MBL2: variants seen among roughly 807,000 people sequenced by gnomAD.
MBL2 encodes the protein mannose-binding protein C.
A neutral mutation model predicts 12.7 loss-of-function variants in MBL2; 6 were observed. That is an observed-to-expected ratio of 0.47 (90% CI 0.26 to 0.94). MBL2 has a LOEUF of 0.94. Among genes scored for constraint, MBL2 ranks in the 40% least tolerant of loss-of-function variants. The pLI, the probability that MBL2 is intolerant of heterozygous loss-of-function variation, is 0.15. For missense variants in MBL2, 307 were observed against 295.2 expected, an observed-to-expected ratio of 1.04 and a Z score of -0.29; for synonymous variants, 114 against 112.0, an observed-to-expected ratio of 1.02 and a Z score of -0.11.
chr10:52,766,964 T>G lies in MBL2; in HGVS notation c.*1173A>C, dbSNP rs908805644. 1 of 151,992 alleles carries G rather than the reference T, an allele frequency of 6.6e-6. No individual in the cohort carries two copies. The highest frequency in any genetic ancestry group is 1.5e-5 in the Non-Finnish European group (1 of 68,028). 9.4% of individuals were successfully genotyped at this position (151,992 alleles called of 1,614,324 possible). ...AACCATGGGGAAATATCACTTTACATCCACAGGAATAATGAAAATCAAGAG... is the reference window on the plus strand; with the variant it reads ...AACCATGGGGAAATATCACTTTACAGCCACAGGAATAATGAAAATCAAGAG... On this transcript the variant is annotated 3_prime_UTR_variant, in exon 5 of 5. Transcript: ENST00000674931.
rs966784363 is a variant in MBL2 at position 52,768,133 on chromosome 10, C to A, written c.*4G>T. On this transcript the variant is annotated 3_prime_UTR_variant, in exon 5 of 5. Coordinates refer to ENST00000674931, the MANE Select transcript of MBL2 (RefSeq NM_001378373.1). The stretch of plus-strand genomic sequence containing the variant: ...GACAAGGAGGGCCTGAGTGATATGA[C>A]CCTTCAGATAGGGAACTCACAGACG... 1 of 1,595,468 alleles carries A rather than the reference C, an allele frequency of 6.3e-7. No homozygotes were observed. Among genetic ancestry groups the A allele is most frequent in the African/African-American group, 1.3e-5 (1 of 74,454 alleles).
chr10:52,768,445 T>C lies in MBL2; in HGVS notation c.439A>G (p.Thr147Ala). The C allele has an allele frequency of 6.2e-7, 1 of 1,609,734 alleles. No individual in the cohort carries two copies. Among genetic ancestry groups the C allele is most frequent in the Non-Finnish European group, 8.5e-7 (1 of 1,178,636 alleles). Residue 147 changes from threonine to alanine, a missense_variant, in exon 5 of 5, where the codon ACC (threonine) becomes GCC (alanine). Coordinates refer to ENST00000674931, the MANE Select transcript of MBL2 (RefSeq NM_001378373.1). ...CACAAGGCCTTCACTTTTTCAAAGG[T>C]CATTATTTCACCATTGGTCAGGAAG... The part of the protein sequence containing the change: ...KFFLTNGEIM[T>A]FEKVKALCVK...
Position 52,770,803 on chromosome 10 carries a change from G to A in MBL2, c.188-17C>T. 2 of 1,315,690 alleles carry A rather than the reference G, an allele frequency of 1.5e-6. No individual in the cohort carries two copies. The highest frequency in any genetic ancestry group is 2.0e-6 in the Non-Finnish European group (2 of 986,076). 81.5% of individuals were successfully genotyped at this position (1,315,690 alleles called of 1,614,324 possible). A position where few individuals can be genotyped will look rare whatever the true frequency, so the allele number is the denominator to read the frequency against. ...GCCCTTGGCCTGTTGGAAGACAAAG[G>A]AAATGTGACTTAATATCTATGTTCT... On this transcript the variant is annotated splice_polypyrimidine_tract_variant and intron_variant, in intron 2 of 4. Coordinates refer to ENST00000674931, the MANE Select transcript of MBL2 (RefSeq NM_001378373.1).
At chr10:52,771,029 A>G (rs1227970458) in intron 2 of MBL2, among the ~76,000 whole-genome samples, 2 of 152,178 alleles carry the variant, frequency 1.3e-5, no homozygotes, top group African/African-American at 2.4e-5. Flanking sequence ...TGTTTTTACC[A>G]GTAGTTGTTG....
chr10:52,769,176 T>A, intron 4 of MBL2, 71 bp downstream of exon 4: 1 of 1,023,272 alleles, frequency 9.8e-7, no homozygotes, highest in Admixed American at 2.1e-5. Flanking sequence ...TTATATGCAT[T>A]CAACAAATAT....
rs747003791 is a variant in MBL2 at position 52,771,653 on chromosome 10, G to A, written c.-9-9C>T. 11 of 1,610,342 alleles carry A rather than the reference G, an allele frequency of 6.8e-6. No individual in the cohort carries two copies. The Middle Eastern group carries it at 5.0e-4, about 73-fold the overall frequency. ...AGGGACATGGTCCTCACCTTGGTGT[G>A]AGAAAACTCAGGGAAGGTTAATCTC... On this transcript the variant is annotated splice_polypyrimidine_tract_variant and intron_variant, in intron 1 of 4. Transcript: ENST00000674931.
At chr10:52,769,161 G>T in intron 4 of MBL2, 86 bp downstream of exon 4, 2 of 884,432 alleles carry the variant, frequency 2.3e-6, no homozygotes, top group Non-Finnish European at 3.6e-6. Context: ...GCAGGGTACA[G>T]AAAATTATAT....
At chr10:52,771,112 C>T (rs1228756752) in intron 2 of MBL2, among the ~76,000 whole-genome samples, 1 of 152,176 alleles carries the variant, frequency 6.6e-6, no homozygotes, top group African/African-American at 2.4e-5. Context: ...TGTTTGTTTG[C>T]TGACTCCATC....
chr10:52,768,916 C>A (rs926108962), intron 4 of MBL2, among the ~76,000 whole-genome samples: 30 of 152,098 alleles, frequency 2.0e-4, no homozygotes, highest in African/African-American at 6.3e-4. Context: ...GCAGGTTAGA[C>A]CCCACGGCCA....
In MBL2 at chr10:52,766,070, G is replaced by A. The variant is rs542103508; in HGVS notation, c.*2067C>T. On this transcript the variant is annotated 3_prime_UTR_variant, in exon 5 of 5. Transcript: ENST00000674931. Reference sequence around the variant, plus strand: ...TTTAAACTAAAAATGTCAAAACATAGCAATTAAGTTAAAGAAATTCTAGTT... The same window carrying A: ...TTTAAACTAAAAATGTCAAAACATAACAATTAAGTTAAAGAAATTCTAGTT... The A allele has an allele frequency of 7.2e-5, 11 of 152,072 alleles. No individual in the cohort carries two copies. Among genetic ancestry groups the A allele is most frequent in the Non-Finnish European group, 1.3e-4 (9 of 67,966 alleles). 9.4% of individuals were successfully genotyped at this position (152,072 alleles called of 1,614,324 possible).
rs55855374 is a variant in MBL2 at position 52,765,660 on chromosome 10, G to A, written c.*2477C>T. On this transcript the variant is annotated 3_prime_UTR_variant, in exon 5 of 5. Coordinates refer to ENST00000674931, the MANE Select transcript of MBL2 (RefSeq NM_001378373.1). The stretch of plus-strand genomic sequence containing the variant: ...CACAAAGTAACTGGCTCTAGATCAT[G>A]TAGCAATTAAGTGACAGAGCTGTGA... 9.2e-5 allele frequency: 14 copies of A among 152,276 alleles called. No individual in the cohort carries two copies. In the South Asian group the frequency reaches 2.9e-3, roughly 32 times the overall value. 9.4% of individuals were successfully genotyped at this position (152,276 alleles called of 1,614,324 possible).
rs1840304332 is a variant in MBL2 at position 52,766,356 on chromosome 10, A to G, written c.*1781T>C. The G allele has an allele frequency of 6.6e-6, 1 of 152,208 alleles. No individual in the cohort carries two copies. Among genetic ancestry groups the G allele is most frequent in the African/African-American group, 2.4e-5 (1 of 41,462 alleles). The allele number at this position is 152,208 out of a possible 1,614,324, so 9.4% of individuals were successfully genotyped here. ...AGCATCAACAAATAGACTAGAATAGACAGCCCAGAAACAGACACACACACA... is the reference window on the plus strand; with the variant it reads ...AGCATCAACAAATAGACTAGAATAGGCAGCCCAGAAACAGACACACACACA... On this transcript the variant is annotated 3_prime_UTR_variant, in exon 5 of 5. Coordinates refer to ENST00000674931, the MANE Select transcript of MBL2 (RefSeq NM_001378373.1).
intron 3 of MBL2, among the ~76,000 whole-genome samples, chr10:52,769,617 T>C (rs1379077817): frequency 6.6e-6 from 1 of 152,206 alleles, no homozygotes; most frequent in African/African-American, 2.4e-5. Context: ...TTCACAGATT[T>C]TTTTTTCAAA....
At chr10:52,772,416 T>C (rs1589872726) in intron 1 of MBL2, among the ~76,000 whole-genome samples, 1 of 152,266 alleles carries the variant, frequency 6.6e-6, no homozygotes, top group Non-Finnish European at 1.5e-5. Flanking sequence ...CTCCCATTTC[T>C]CAGTATTAAC....
At chr10:52,769,026 T>A (rs946883331) in intron 4 of MBL2, among the ~76,000 whole-genome samples, 2 of 152,004 alleles carry the variant, frequency 1.3e-5, no homozygotes, top group African/African-American at 4.8e-5. Flanking sequence ...CTGACTTCCA[T>A]CTATAAACCA....
In MBL2 at chr10:52,769,328, A is replaced by G. The variant is rs760960286; in HGVS notation, c.305-13T>C. 6.3e-7 allele frequency: 1 copy of G among 1,586,336 alleles called. No homozygotes were observed. The highest frequency in any genetic ancestry group is 1.7e-5 in the Admixed American group (1 of 59,248). On this transcript the variant is annotated splice_polypyrimidine_tract_variant and intron_variant, in intron 3 of 4. Transcript: ENST00000674931. ...CTACTATCACCATCTAGAAAATTAG[A>G]ACAAAGTAAAGAAGCATTGTTGAGA...
rs867703204 is a variant in MBL2 at position 52,771,451 on chromosome 10, G to A, written c.185C>T (p.Pro62Leu). 7 of 1,613,528 alleles carry A rather than the reference G, an allele frequency of 4.3e-6. No individual in the cohort carries two copies. Among genetic ancestry groups the A allele is most frequent in the Non-Finnish European group, 5.9e-6 (7 of 1,179,814 alleles). The change falls in exon 2 of 5, where the codon CCA becomes CTA. Residue 62 changes from proline to leucine, a missense_variant and splice_region_variant. Transcript: ENST00000674931. ...AGACAGAACAGCCCAACACGTACCT[G>A]GTTCCCCCTTTTCTCCCTTGGTGCC... ...RDGTKGEKGE[P>L]GQGLRGLQGP...
In MBL2 at chr10:52,766,472, A is replaced by G. The variant is rs1315161882; in HGVS notation, c.*1665T>C. On this transcript the variant is annotated 3_prime_UTR_variant, in exon 5 of 5. Transcript: ENST00000674931. ...ATAGTGCTGTCTCAAGTGGATATCT[A>G]TTCTACCAGGAATAGATAGAATGTT... The G allele has an allele frequency of 1.3e-5, 2 of 152,160 alleles. No individual in the cohort carries two copies. Among genetic ancestry groups the G allele is most frequent in the East Asian group, 3.9e-4 (2 of 5,188 alleles). The allele number at this position is 152,160 out of a possible 1,614,324, so 9.4% of individuals were successfully genotyped here.
chr10:52,768,628 T>C lies in MBL2; in HGVS notation c.374-118A>G, dbSNP rs1259792294. Reference sequence around the variant, plus strand: ...ATAAAATATAGTATGTCCAGTTAAATTTGAATTTCAGACAAACAATGAATA... The same window carrying C: ...ATAAAATATAGTATGTCCAGTTAAACTTGAATTTCAGACAAACAATGAATA... On this transcript the variant is annotated intron_variant, in intron 4 of 4. Coordinates refer to ENST00000674931, the MANE Select transcript of MBL2 (RefSeq NM_001378373.1). The C allele has an allele frequency of 2.1e-5, 14 of 655,394 alleles. No individual in the cohort carries two copies. The Admixed American group carries it at 4.3e-4, about 20-fold the overall frequency. 40.6% of individuals were successfully genotyped at this position (655,394 alleles called of 1,614,324 possible). A position where few individuals can be genotyped will look rare whatever the true frequency, so the allele number is the denominator to read the frequency against.
Sources: gnomAD v4.1 joint callset for allele counts (sites outside exome capture counted in the v4.1 genomes callset) on GRCh38, gnomAD v4.1.1 for gene constraint, MANE v1.5 for transcripts, NCBI Gene and HGNC (gene_info 2026-07-23, HGNC 2026-07-21) for gene names.